The following ARHGEF3 variants were observed in gnomAD, a reference collection of about 807,000 sequenced individuals.
The protein encoded by ARHGEF3 is Rho guanine nucleotide exchange factor 3.
In ARHGEF3, 28 loss-of-function variants were observed where a neutral mutation model predicts 63.2. That is an observed-to-expected ratio of 0.44 (90% CI 0.33 to 0.61). The LOEUF (loss-of-function observed/expected upper bound fraction) is 0.61, where lower values mean the gene tolerates loss of function less well. Among genes scored for constraint, ARHGEF3 ranks in the 20% least tolerant of loss-of-function variants. The pLI, the probability that ARHGEF3 is intolerant of heterozygous loss-of-function variation, is 0.03. For missense variants in ARHGEF3, 533 were observed against 659.3 expected (o/e 0.81, Z 2.10); for synonymous variants, 266 against 254.2 (o/e 1.05, Z -0.44).
chr3:56,827,409 A>C (rs1339611035), intron 4 of ARHGEF3, among the ~76,000 whole-genome samples: 1 of 152,220 alleles, frequency 6.6e-6, no homozygotes, highest in African/African-American at 2.4e-5. Context: ...TGAGTGGTCC[A>C]GGTTTAAATC....
chr3:56,971,989 A>G (rs925983214), intron 2 of ARHGEF3, among the ~76,000 whole-genome samples: 2 of 151,836 alleles, frequency 1.3e-5, no homozygotes, highest in Non-Finnish European at 2.9e-5. Flanking sequence ...TATCCCAGAC[A>G]CTCCTGAGAG....
chr3:56,933,828 C>T (rs2042477087), intron 3 of ARHGEF3, among the ~76,000 whole-genome samples: 1 of 152,150 alleles, frequency 6.6e-6, no homozygotes, highest in African/African-American at 2.4e-5. Flanking sequence ...AAATTGTAAT[C>T]CCCATAATCC....
At chr3:56,880,048 G>C (rs1699223115) in intron 4 of ARHGEF3, among the ~76,000 whole-genome samples, 1 of 152,188 alleles carries the variant, frequency 6.6e-6, no homozygotes, top group South Asian at 2.1e-4. Flanking sequence ...GGAATCTGCA[G>C]AACAGCAGTT....
intron 3 of ARHGEF3, among the ~76,000 whole-genome samples, chr3:56,890,555 A>G (rs1463559571): frequency 6.6e-6 from 1 of 152,160 alleles, no homozygotes; most frequent in Non-Finnish European, 1.5e-5. Context: ...GGTATTAGAG[A>G]TGGCAGGATC....
chr3:56,796,869 T>G (rs189318829), intron 1 of ARHGEF3, among the ~76,000 whole-genome samples: 2 of 152,302 alleles, frequency 1.3e-5, no homozygotes. Context: ...ACCAACCTCA[T>G]AGGATTACTG....
chr3:56,885,651 C>T (rs1044342609), intron 3 of ARHGEF3, among the ~76,000 whole-genome samples: 2 of 152,086 alleles, frequency 1.3e-5, no homozygotes, highest in Admixed American at 6.6e-5. Context: ...CTCATGAGTT[C>T]CCCCAACCCA....
intron 1 of ARHGEF3, among the ~76,000 whole-genome samples, chr3:57,058,694 G>A (rs949506384): frequency 7.2e-5 from 11 of 151,998 alleles, no homozygotes; most frequent in Admixed American, 5.2e-4. Context: ...ACATGCACAC[G>A]TATGTTTATT....
intron 8 of ARHGEF3, among the ~76,000 whole-genome samples, chr3:56,735,101 T>C (rs1456764086): frequency 1.3e-5 from 2 of 152,084 alleles, no homozygotes; most frequent in African/African-American, 4.8e-5. Flanking sequence ...CTGGCCAACA[T>C]GGTGAAACCC....
At chr3:56,810,663 T>C (rs7433156) in intron 4 of ARHGEF3, among the ~76,000 whole-genome samples, 11,209 of 152,228 alleles carry the variant, frequency 0.074, 832 homozygotes, top group East Asian at 0.25. Context: ...GCAGTATTCA[T>C]ATCATCTGGC....
intron 2 of ARHGEF3, among the ~76,000 whole-genome samples, chr3:56,992,407 A>AAAAAAC (rs1560113787): frequency 2.6e-5 from 3 of 116,280 alleles, no homozygotes; most frequent in Admixed American, 8.6e-5. Context: ...AAAAAAAAAA[A>AAAAAAC]AAAAAAACAG....
chr3:56,880,292 A>AC (rs1168328441), intron 4 of ARHGEF3, among the ~76,000 whole-genome samples: 2 of 152,200 alleles, frequency 1.3e-5, no homozygotes, highest in Admixed American at 6.5e-5. Context: ...ATAAAACATA[A>AC]CATATGAGAT....
intron 2 of ARHGEF3, among the ~76,000 whole-genome samples, chr3:56,975,130 A>G (rs1701072682): frequency 6.6e-6 from 1 of 152,082 alleles, no homozygotes; most frequent in South Asian, 2.1e-4. Context: ...AAAAAGAACC[A>G]GTTCTGGCTG....
At chr3:57,057,370 C>T (rs959897832) in intron 1 of ARHGEF3, among the ~76,000 whole-genome samples, 24 of 152,188 alleles carry the variant, frequency 1.6e-4, no homozygotes, top group African/African-American at 5.5e-4. Context: ...CTTGGCCTCC[C>T]AAAATGCTGG....
intron 1 of ARHGEF3, among the ~76,000 whole-genome samples, chr3:56,774,755 T>C (rs997785376): frequency 6.6e-6 from 1 of 151,962 alleles, no homozygotes; most frequent in African/African-American, 2.4e-5. Flanking sequence ...AAAAATTAGC[T>C]GGGCGTGGTG....
chr3:57,054,069 G>A (rs1406303678), intron 1 of ARHGEF3, among the ~76,000 whole-genome samples: 3 of 152,188 alleles, frequency 2.0e-5, no homozygotes, highest in Non-Finnish European at 4.4e-5. Flanking sequence ...AGTTTGGGTA[G>A]ATGTTATCAA....
chr3:56,745,262 T>C lies in ARHGEF3; in HGVS notation c.813A>G (p.Arg271=), dbSNP rs1422533766. 8.7e-6 allele frequency: 14 copies of C among 1,613,970 alleles called. No homozygotes were observed. The highest frequency in any genetic ancestry group is 1.1e-5 in the Non-Finnish European group (13 of 1,180,012). ...SRLVKYPLLL[R]EILRHTPNDN... is the part of the protein sequence containing the mutation. ...CATTTGGTGTGTGCCTCAAGATTTCTCGGAGAAGCAGAGGGTATTTTACCA... is the reference window on the plus strand; with the variant it reads ...CATTTGGTGTGTGCCTCAAGATTTCCCGGAGAAGCAGAGGGTATTTTACCA... Residue 271 remains arginine, a synonymous_variant, in exon 7 of 10, where the codon CGA becomes CGG. Transcript: ENST00000296315.
rs1700253341 is a variant in ARHGEF3, at chr3:56,960,967, T to C, written c.63-2078A>G. ...GAATTCATTGCTTCTAAAGTAACAA[T>C]ATATACCAGAACATTCTGAGTAAAT... On this transcript the variant is annotated intron_variant, in intron 2 of 12. Coordinates refer to the ARHGEF3 transcript ENST00000338458. The C allele has an allele frequency of 2.0e-5, 3 of 152,330 alleles. 1 individual carries two copies. The highest frequency in any genetic ancestry group is 2.4e-5 in the African/African-American group (1 of 41,562). The allele number at this position is 152,330 out of a possible 1,614,324, so 9.4% of individuals were successfully genotyped here.
At chr3:56,943,559 A>C (rs1185711400) in intron 3 of ARHGEF3, among the ~76,000 whole-genome samples, 2 of 152,304 alleles carry the variant, frequency 1.3e-5, no homozygotes, top group East Asian at 3.9e-4. Context: ...CTAACTCAAC[A>C]TCAATTCTGC....
chr3:56,866,709 G>A (rs1288038627), intron 4 of ARHGEF3, among the ~76,000 whole-genome samples: 24 of 152,232 alleles, frequency 1.6e-4, no homozygotes, highest in Admixed American at 1.5e-3. Context: ...AACAAGCAAT[G>A]TATGTTGATT....
Sources: allele counts gnomAD v4.1 joint callset (sites outside exome capture counted in the v4.1 genomes callset), GRCh38; gene constraint gnomAD v4.1.1; transcripts MANE v1.5; gene names NCBI Gene and HGNC (gene_info 2026-07-23, HGNC 2026-07-21).